The following MSRA variants were observed in gnomAD, a reference collection of about 807,000 sequenced individuals.
MSRA encodes methionine sulfoxide reductase A.
A neutral mutation model predicts 31.3 loss-of-function variants in MSRA; 54 were observed. The observed-to-expected ratio is 1.73, with a 90% CI of 1.39 to 2.17. The LOEUF is 2.17. MSRA is among the 30% of genes most tolerant of loss of function. The pLI is 0.00. For missense variants in MSRA, 507 were observed against 300.9 expected (o/e 1.69, Z -5.07); for synonymous variants, 169 against 116.5 (o/e 1.45, Z -2.90).
At chr8:10,282,574 A>G (rs868527814) in intron 3 of MSRA, among the ~76,000 whole-genome samples, 3 of 152,274 alleles carry the variant, frequency 2.0e-5, no homozygotes, top group Admixed American at 2.0e-4. Context: ...CAGAGCAGCC[A>G]TAGTGGCACT....
chr8:10,152,464 A>G (rs754436459), intron 1 of MSRA, among the ~76,000 whole-genome samples: 1 of 152,136 alleles, frequency 6.6e-6, no homozygotes, highest in Non-Finnish European at 1.5e-5. Flanking sequence ...GACTCACTAG[A>G]TCTGAATCAC....
chr8:10,101,665 C>G (rs1413112215), intron 1 of MSRA, among the ~76,000 whole-genome samples: 1 of 152,164 alleles, frequency 6.6e-6, no homozygotes, highest in African/African-American at 2.4e-5. Context: ...TGGCTTCTTT[C>G]ACTTAGCATA....
intron 1 of MSRA, among the ~76,000 whole-genome samples, chr8:10,113,287 G>GTTTTTTTTTTTTTTTTTT (rs1412167930): frequency 2.4e-3 from 15 of 6,294 alleles, no homozygotes; most frequent in Admixed American, 8.2e-3. Context: ...GTGAAGACAG[G>GTTTTTTTTTTTTTTTTTT]TCTTCTTTTT....
At chr8:10,081,120 A>T (rs751847412) in intron 1 of MSRA, among the ~76,000 whole-genome samples, 14 of 152,212 alleles carry the variant, frequency 9.2e-5, no homozygotes, top group Non-Finnish European at 2.1e-4. Flanking sequence ...TGGGCTGCAC[A>T]CGTGGTCCAG....
intron 1 of MSRA, among the ~76,000 whole-genome samples, chr8:10,137,569 C>G (rs890382196): frequency 6.6e-6 from 1 of 152,116 alleles, no homozygotes; most frequent in Non-Finnish European, 1.5e-5. Flanking sequence ...AAGAACTGAC[C>G]ATAAGCTTAG....
At chr8:10,130,622 A>C (rs1801829166) in intron 1 of MSRA, among the ~76,000 whole-genome samples, 1 of 152,338 alleles carries the variant, frequency 6.6e-6, no homozygotes, top group Admixed American at 6.5e-5. Context: ...ATGCACACAC[A>C]CAGAGACCGC....
At chr8:10,351,882 C>G (rs1804173485) in intron 5 of MSRA, among the ~76,000 whole-genome samples, 1 of 152,202 alleles carries the variant, frequency 6.6e-6, no homozygotes, top group African/African-American at 2.4e-5. Flanking sequence ...GGTTTTAAGG[C>G]TATGAGGTGC....
Position 10,054,452 on chromosome 8 carries a change from T to A in MSRA, c.-65T>A. 6.7e-7 allele frequency: 1 copy of A among 1,485,500 alleles called. No homozygotes were observed. Among genetic ancestry groups the A allele is most frequent in the Non-Finnish European group, 9.0e-7 (1 of 1,111,946 alleles). The allele number at this position is 1,485,500 out of a possible 1,614,324, so 92.0% of individuals were successfully genotyped here. Reference sequence around the variant, plus strand: ...GGCCGCGGACCCCACTCTCTGCCGTTCCGGCTGCGGCTCCGCTGCCGGTAG... The same window carrying A: ...GGCCGCGGACCCCACTCTCTGCCGTACCGGCTGCGGCTCCGCTGCCGGTAG... On this transcript the variant is annotated 5_prime_UTR_variant, in exon 1 of 6. Transcript: ENST00000317173.
rs79338135 is a variant in MSRA, at chr8:10,357,552, G to T, written c.543+37563G>T. On this transcript the variant is annotated intron_variant, in intron 5 of 5. Transcript: ENST00000317173. ...GCCGGAGCTCCTTCACATTGGCTCTGGGGTCCTTTTACCATGACTTCAGGA... is the reference window on the plus strand; with the variant it reads ...GCCGGAGCTCCTTCACATTGGCTCTTGGGTCCTTTTACCATGACTTCAGGA... Among the ~76,000 whole-genome samples, 152 of 152,240 alleles carry T rather than the reference G, an allele frequency of 1.0e-3. 1 individual carries two copies. Among genetic ancestry groups the T allele is most frequent in the African/African-American group, 3.6e-3 (149 of 41,544 alleles).
chr8:10,278,742 C>T (rs13278498), intron 3 of MSRA, among the ~76,000 whole-genome samples: 1 of 152,052 alleles, frequency 6.6e-6, no homozygotes, highest in Non-Finnish European at 1.5e-5. Flanking sequence ...GAAGAAAGGG[C>T]AGAAATGGTT....
intron 4 of MSRA, among the ~76,000 whole-genome samples, chr8:10,318,251 C>A (rs1423216647): frequency 1.3e-5 from 2 of 152,174 alleles, no homozygotes; most frequent in Non-Finnish European, 2.9e-5. Context: ...TGTCTCTGAT[C>A]CATAATTTCC....
intron 1 of MSRA, among the ~76,000 whole-genome samples, chr8:10,200,057 C>T (rs1024944494): frequency 3.3e-5 from 5 of 152,164 alleles, no homozygotes; most frequent in African/African-American, 9.7e-5. Context: ...GCTTGTTCTT[C>T]TGCAGAAAGA....
intron 1 of MSRA, among the ~76,000 whole-genome samples, chr8:10,090,826 T>G (rs990417199): frequency 6.6e-6 from 1 of 152,206 alleles, no homozygotes; most frequent in Non-Finnish European, 1.5e-5. Context: ...TTAGCATACT[T>G]TTTTCAAAGG....
chr8:10,290,368 G>A (rs1264533462), intron 3 of MSRA, among the ~76,000 whole-genome samples: 3 of 152,124 alleles, frequency 2.0e-5, no homozygotes, highest in African/African-American at 7.2e-5. Context: ...GGAGGTTGGA[G>A]TGGGCTAAAC....
At chr8:10,417,754 T>TTGTGTGTGTGTG (rs113437676) in intron 5 of MSRA, among the ~76,000 whole-genome samples, 1,563 of 129,914 alleles carry the variant, frequency 0.012, 147 homozygotes, top group East Asian at 0.033. Context: ...AACCTGCATG[T>TTGTGTGTGTGTG]TGTGTGTGTG....
chr8:10,265,566 T>G (rs1223815095), intron 3 of MSRA, among the ~76,000 whole-genome samples: 1 of 152,218 alleles, frequency 6.6e-6, no homozygotes, highest in Non-Finnish European at 1.5e-5. Flanking sequence ...AACCCTGGCC[T>G]TTTCACTTTT....
chr8:10,413,344 C>G (rs1171756247), intron 5 of MSRA, among the ~76,000 whole-genome samples: 1 of 152,160 alleles, frequency 6.6e-6, no homozygotes, highest in African/African-American at 2.4e-5. Context: ...CTTCAATGGC[C>G]ACACCTGAAA....
chr8:10,308,531 C>T (rs1170548829), intron 4 of MSRA, among the ~76,000 whole-genome samples: 1 of 152,204 alleles, frequency 6.6e-6, no homozygotes, highest in Non-Finnish European at 1.5e-5. Flanking sequence ...CAGCTGTGGC[C>T]CCCTCTGGCT....
At chr8:10,120,095 A>G (rs1466890696) in intron 1 of MSRA, among the ~76,000 whole-genome samples, 1 of 152,170 alleles carries the variant, frequency 6.6e-6, no homozygotes, top group Non-Finnish European at 1.5e-5. Context: ...CGAGTCTCCC[A>G]TCAGTGTATC....
Sources: allele counts gnomAD v4.1 joint callset (sites outside exome capture counted in the v4.1 genomes callset), GRCh38; gene constraint gnomAD v4.1.1; transcripts MANE v1.5; gene names NCBI Gene and HGNC (gene_info 2026-07-23, HGNC 2026-07-21).